Variants in EPB41 observed in about 807,000 individuals in gnomAD.
EPB41 encodes the protein erythrocyte membrane protein band 4.1.
A neutral mutation model predicts 108.0 loss-of-function variants in EPB41; 65 were observed. The observed-to-expected ratio is 0.60, with a 90% confidence interval of 0.49 to 0.74. The LOEUF (loss-of-function observed/expected upper bound fraction) is 0.74. Among genes scored for constraint, EPB41 ranks in the 30% least tolerant of loss-of-function variants. The probability of loss-of-function intolerance (pLI) is 0.00; values close to 1 mark genes in which losing one functional copy is unlikely to be tolerated. For synonymous variants in EPB41, 336 were observed against 358.9 expected (o/e 0.94, Z 0.72); for missense variants, 875 against 1,037.0 (o/e 0.84, Z 2.15).
chr1:28,943,478 C>T (rs150026266), intron 1 of EPB41, among the ~76,000 whole-genome samples: 23 of 152,126 alleles, frequency 1.5e-4, no homozygotes, highest in African/African-American at 4.8e-4. Context: ...CATGGTGAAA[C>T]CCTGTCTCTA....
At chr1:28,984,930 A>T (rs2095840474) in intron 1 of EPB41, among the ~76,000 whole-genome samples, 1 of 152,162 alleles carries the variant, frequency 6.6e-6, no homozygotes, top group Admixed American at 6.5e-5. Flanking sequence ...AATTGCTGGG[A>T]TTACAGGCGT....
In EPB41 at chr1:29,053,325, T is replaced by C; in HGVS notation, c.1845+13T>C. ...AGAAGCATGGAAGGTATGTCATCAG[T>C]CCAAATACCTAGCTAACTCACTTTC... On this transcript the variant is annotated intron_variant, in intron 12 of 20. Coordinates refer to ENST00000343067, the MANE Select transcript of EPB41 (RefSeq NM_001376013.1). 1.9e-6 allele frequency: 3 copies of C among 1,614,102 alleles called. No homozygotes were observed. The South Asian group carries it at 3.3e-5, about 18-fold the overall frequency.
chr1:28,993,674 T>TG (rs397955834), intron 3 of EPB41, 132 bp downstream of exon 3: 4 of 770,514 alleles, frequency 5.2e-6, no homozygotes, highest in Non-Finnish European at 8.1e-6. Context: ...TTTTTTTTTT[T>TG]GAGACAGAGT....
At chr1:29,072,336 G>A (rs1028734551) in intron 16 of EPB41, 1 of 152,004 alleles carries the variant, frequency 6.6e-6, no homozygotes, top group African/African-American at 2.4e-5. Context: ...TTCCCTTAAT[G>A]AAATAACAAA....
At chr1:29,034,921 C>T (rs183617230) in intron 9 of EPB41, among the ~76,000 whole-genome samples, 4 of 149,260 alleles carry the variant, frequency 2.7e-5, no homozygotes, top group African/African-American at 9.8e-5. Context: ...TTAATCAGCT[C>T]AATTTAGCCA....
intron 9 of EPB41, among the ~76,000 whole-genome samples, chr1:29,033,712 T>C (rs1558092787): frequency 6.6e-6 from 1 of 152,214 alleles, no homozygotes; most frequent in Non-Finnish European, 1.5e-5. Flanking sequence ...GAGTTGGATG[T>C]TCAACTTTGT....
At position 28,901,054 on chromosome 1, in the gene EPB41, T is replaced by C. The variant is rs185777958; in HGVS notation, c.-8+13844T>C. On this transcript the variant is annotated intron_variant, in intron 1 of 16. Coordinates refer to the EPB41 transcript ENST00000347529. ...ATGCCATTCTCCTGCCTCAGCCTCC[T>C]GAGTAGCTGGGATTATAGGTGCCTG... 3.0e-3 allele frequency among the ~76,000 whole-genome samples: 459 copies of C among 151,882 alleles called. 2 individuals carry two copies. The highest frequency in any genetic ancestry group is 9.7e-3 in the African/African-American group (402 of 41,408).
intron 1 of EPB41, among the ~76,000 whole-genome samples, chr1:28,944,914 C>T (rs2094440353): frequency 6.6e-6 from 1 of 151,294 alleles, no homozygotes; most frequent in Non-Finnish European, 1.5e-5. Flanking sequence ...TGTAGCAAAA[C>T]CCAATCTCTA....
At chr1:28,919,519 A>G (rs1420738786) in intron 1 of EPB41, among the ~76,000 whole-genome samples, 2 of 151,674 alleles carry the variant, frequency 1.3e-5, no homozygotes, top group Non-Finnish European at 2.9e-5. Context: ...GCTGGAATGC[A>G]GTGGCATGAT....
At chr1:29,094,431 C>T (rs1662477756) in intron 16 of EPB41, among the ~76,000 whole-genome samples, 1 of 152,156 alleles carries the variant, frequency 6.6e-6, no homozygotes, top group Non-Finnish European at 1.5e-5. Flanking sequence ...CACATGCCAC[C>T]ATGCCCAGCT....
intron 12 of EPB41, chr1:29,053,650 C>T (rs969332820): frequency 3.4e-5 from 8 of 238,588 alleles, no homozygotes; most frequent in African/African-American, 1.9e-4. Flanking sequence ...AACTCCGCCT[C>T]GTGGGTTCAT....
chr1:28,947,314 A>G (rs1170153817), intron 1 of EPB41, among the ~76,000 whole-genome samples: 1 of 151,612 alleles, frequency 6.6e-6, no homozygotes, highest in Non-Finnish European at 1.5e-5. Flanking sequence ...AGGCTGAGGC[A>G]GGAGAATCGC....
intron 12 of EPB41, among the ~76,000 whole-genome samples, chr1:29,057,501 C>G (rs1645757064): frequency 6.6e-6 from 1 of 151,424 alleles, no homozygotes; most frequent in South Asian, 2.1e-4. Flanking sequence ...TTGGTGCTCT[C>G]TTAGGTTTTT....
intron 7 of EPB41, among the ~76,000 whole-genome samples, chr1:29,026,713 C>T (rs1486684692): frequency 6.6e-6 from 1 of 152,116 alleles, no homozygotes; most frequent in Admixed American, 6.5e-5. Context: ...TGCTTGAGCC[C>T]AAGAGTTCAC....
At chr1:28,980,757 T>C (rs2095718468) in intron 1 of EPB41, among the ~76,000 whole-genome samples, 1 of 151,566 alleles carries the variant, frequency 6.6e-6, no homozygotes, top group Admixed American at 6.6e-5. Flanking sequence ...ATTATTTGCC[T>C]GCATTGGCAT....
Position 28,888,528 on chromosome 1 carries a change from A to G in EPB41, c.-8+1318A>G, listed in dbSNP as rs115203284. Among the ~76,000 whole-genome samples the G allele has an allele frequency of 9.4e-3, 1,434 of 152,346 alleles. 24 individuals are homozygous for G. Among genetic ancestry groups the G allele is most frequent in the African/African-American group, 0.032 (1,349 of 41,580 alleles). On this transcript the variant is annotated intron_variant, in intron 1 of 16. Coordinates refer to the EPB41 transcript ENST00000347529. ...GCAAGTCTAAGGAGCACCTACTGGG[A>G]ACACTCCCTGCCTTGAAGGCTCTCC...
intron 11 of EPB41, 148 bp from the exon 12 acceptor site, chr1:29,052,956 A>T (rs935273800): frequency 4.6e-6 from 4 of 871,826 alleles, no homozygotes; most frequent in Non-Finnish European, 7.5e-6. Context: ...AGCACTAATG[A>T]TTTATTTTTT....
chr1:29,103,647 TTTTA>T (rs1408517037), intron 17 of EPB41, among the ~76,000 whole-genome samples: 3 of 152,132 alleles, frequency 2.0e-5, no homozygotes, highest in African/African-American at 7.2e-5. Context: ...ACAAATTGCT[TTTTA>T]TTTTATTTGT....
rs937870501 is a variant in EPB41 at position 28,914,628 on chromosome 1, G to A, written c.-148G>A. 6.6e-6 allele frequency: 1 copy of A among 151,882 alleles called. No individual in the cohort carries two copies. The highest frequency in any genetic ancestry group is 2.4e-5 in the African/African-American group (1 of 41,398). The allele number at this position is 151,882 out of a possible 1,614,324, so 9.4% of individuals were successfully genotyped here. On this transcript the variant is annotated 5_prime_UTR_variant, in exon 1 of 21. Transcript: ENST00000343067. ...TCGCTCGCTCCCTCCCTCCGCTGGT[G>A]CGTTTAGTCAGTCAGCCAGCAGCAG...
Sources: allele counts gnomAD v4.1 joint callset (sites outside exome capture counted in the v4.1 genomes callset), GRCh38; gene constraint gnomAD v4.1.1; transcripts MANE v1.5; gene names NCBI Gene and HGNC (gene_info 2026-07-23, HGNC 2026-07-21).